The following SERPINA6 variants were observed in gnomAD, a reference collection of about 807,000 sequenced individuals.
SERPINA6 encodes serpin family A member 6.
Under a neutral mutation model 26.4 loss-of-function variants are expected in SERPINA6, and 19 were observed. The ratio of observed to expected loss-of-function variants is 0.72; its 90% CI spans 0.50 to 1.06. The LOEUF is 1.06. SERPINA6 is among the 50% of genes least tolerant of loss of function. SERPINA6 has a pLI of 0.00. For synonymous variants in SERPINA6, 196 were observed against 199.4 expected (o/e 0.98, Z 0.14); for missense variants, 473 against 504.0 (o/e 0.94, Z 0.59).
At chr14:94,321,328 A>G (rs1472978647) in intron 1 of SERPINA6, among the ~76,000 whole-genome samples, 3 of 152,152 alleles carry the variant, frequency 2.0e-5, no homozygotes, top group African/African-American at 7.2e-5. Flanking sequence ...GGGACTCCCC[A>G]TTGCCCACCA....
rs1895408510 is a variant in SERPINA6 at position 94,304,566 on chromosome 14, C to T, written c.1070G>A (p.Gly357Asp). Reference sequence around the variant, plus strand: ...CCCAGTGGAGCCAGCTGTGTCCACACCCTCCTCATTGAGTTGCAGCACAGC... The same window carrying T: ...CCCAGTGGAGCCAGCTGTGTCCACATCCTCCTCATTGAGTTGCAGCACAGC... ...HKAVLQLNEE[G>D]VDTAGSTGVT... Residue 357 changes from glycine to aspartate, a missense_variant, in exon 5 of 5, where the codon GGT becomes GAT. Transcript: ENST00000341584. The T allele has an allele frequency of 3.7e-6, 6 of 1,614,180 alleles. No individual in the cohort carries two copies. In the East Asian group the frequency reaches 1.3e-4, roughly 36 times the overall value.
Position 94,314,210 on chromosome 14 carries a change from T to G in SERPINA6, c.439A>C (p.Ile147Leu). 1 of 1,614,242 alleles carries G rather than the reference T, an allele frequency of 6.2e-7. No individual in the cohort carries two copies. The change falls in exon 2 of 5, where the codon ATC becomes CTC. Residue 147 changes from isoleucine to leucine, a missense_variant. Transcript: ENST00000341584. ...LELLESFSAD[I>L]KHYYESEVLA... ...ACCTCTGACTCATAGTAGTGCTTGA[T>G]GTCTGCTGAGAATGACTCCAGCAAC...
chr14:94,319,768 G>A (rs1384104463), intron 1 of SERPINA6, among the ~76,000 whole-genome samples: 1 of 152,202 alleles, frequency 6.6e-6, no homozygotes, highest in Admixed American at 6.5e-5. Context: ...AGGGACAGAA[G>A]TAAAATTGTG....
rs189236001 is a variant in SERPINA6 at position 94,312,732 on chromosome 14, A to G, written c.613+1304T>C. 1.1e-3 allele frequency among the ~76,000 whole-genome samples: 173 copies of G among 152,270 alleles called. 1 individual carries two copies. The highest frequency in any genetic ancestry group is 1.2e-3 in the Non-Finnish European group (85 of 68,024). On this transcript the variant is annotated intron_variant, in intron 2 of 4. Transcript: ENST00000341584. ...GAGCAGGAAAGACCCAGAGGCAGGT[A>G]GAGAAGAAGGACTCGTAGAGATGCT...
chr14:94,309,720 T>C lies in SERPINA6; in HGVS notation c.884+16A>G, dbSNP rs779216016. On this transcript the variant is annotated intron_variant, in intron 3 of 4. Transcript: ENST00000341584. Reference sequence around the variant, plus strand: ...ACGTGCATTGCAGAAATCAACATGATGGCTGGAGGACTTACCTGCTGGTCA... The same window carrying C: ...ACGTGCATTGCAGAAATCAACATGACGGCTGGAGGACTTACCTGCTGGTCA... 1.2e-6 allele frequency: 2 copies of C among 1,613,642 alleles called. No individual in the cohort carries two copies. The highest frequency in any genetic ancestry group is 2.2e-5 in the South Asian group (2 of 91,072).
chr14:94,315,514 T>G (rs1483973299), intron 1 of SERPINA6, among the ~76,000 whole-genome samples: 2 of 152,230 alleles, frequency 1.3e-5, no homozygotes, highest in African/African-American at 4.8e-5. Context: ...TTTTCTAGTC[T>G]CTAAATTATA....
At chr14:94,315,325 G>A (rs947128404) in intron 1 of SERPINA6, among the ~76,000 whole-genome samples, 3 of 152,336 alleles carry the variant, frequency 2.0e-5, no homozygotes, top group Non-Finnish European at 4.4e-5. Flanking sequence ...GCTTTTGTAT[G>A]CTATTGAAGT....
In SERPINA6 at chr14:94,314,271, G is replaced by A. The variant is rs3748320; in HGVS notation, c.378C>T (p.Thr126=). 324,240 of 1,614,006 alleles carry A rather than the reference G, an allele frequency of 0.2. 33,874 individuals are homozygous for A. The highest frequency in any genetic ancestry group is 0.22 in the Non-Finnish European group (257,458 of 1,179,958). The change falls in exon 2 of 5, where the codon ACC becomes ACT. Residue 126 remains threonine, a synonymous_variant. Transcript: ENST00000341584. ...CATCAAGAAACAAGGCATTGCCCAT[G>A]GTCATTTCTAAGCTGGTGTCTGACT... ...FAKSDTSLEM[T]MGNALFLDGS...
rs1895499188 is a variant in SERPINA6, at chr14:94,309,786, A to G, written c.834T>C (p.Ala278=). The G allele has an allele frequency of 6.2e-7, 1 of 1,614,070 alleles. No individual in the cohort carries two copies. The highest frequency in any genetic ancestry group is 1.1e-5 in the South Asian group (1 of 91,090). ...PDKGKMNTVI[A]ALSRDTINRW... ...TGTTAATCGTGTCCCGGCTCAGTGC[A>G]GCGATGACTGTGTTCATCTTCCCCT... The change falls in exon 3 of 5, where the codon GCT becomes GCC. Residue 278 remains alanine, a synonymous_variant. Coordinates refer to ENST00000341584, the MANE Select transcript of SERPINA6 (RefSeq NM_001756.4).
At chr14:94,304,683 C>T in intron 4 of SERPINA6, 80 bp from the exon 5 acceptor site, 1 of 1,259,446 alleles carries the variant, frequency 7.9e-7, no homozygotes, top group Non-Finnish European at 1.1e-6. Context: ...GGACCCTTCA[C>T]ATCCTTGGTT....
intron 1 of SERPINA6, among the ~76,000 whole-genome samples, chr14:94,321,272 A>C (rs533873023): frequency 6.6e-6 from 1 of 151,916 alleles, no homozygotes; most frequent in East Asian, 2.0e-4. Context: ...GCATCTTTTT[A>C]AATTCTCAAA....
chr14:94,309,648 G>C, intron 3 of SERPINA6, 88 bp downstream of exon 3: 1 of 1,484,574 alleles, frequency 6.7e-7, no homozygotes, highest in Non-Finnish European at 9.3e-7. Flanking sequence ...AGGGAAGGAA[G>C]GATGCCCCAG....
At chr14:94,317,314 C>T (rs1324427006) in intron 1 of SERPINA6, among the ~76,000 whole-genome samples, 2 of 152,156 alleles carry the variant, frequency 1.3e-5, no homozygotes, top group East Asian at 3.8e-4. Flanking sequence ...AAGTATTTGA[C>T]ATAATTCAAC....
At position 94,314,603 on chromosome 14, in the gene SERPINA6, C is replaced by T. The variant is rs748984466; in HGVS notation, c.46G>A (p.Gly16Ser). ...YTCLLWLPTSGLWTVQAMDPN... is the reference protein window; with the variant it reads ...YTCLLWLPTSSLWTVQAMDPN... ...TCCATGGCCTGGACGGTCCAGAGGC[C>T]GCTGGTGGGCAGCCAGAGAAGACAG... The change falls in exon 2 of 5, where the codon GGC becomes AGC. Residue 16 changes from glycine to serine, a missense_variant. Coordinates refer to ENST00000341584, the MANE Select transcript of SERPINA6 (RefSeq NM_001756.4). 23 of 1,614,022 alleles carry T rather than the reference C, an allele frequency of 1.4e-5. No homozygotes were observed. The highest frequency in any genetic ancestry group is 1.6e-4 in the Middle Eastern group (1 of 6,084).
intron 2 of SERPINA6, 123 bp downstream of exon 2, chr14:94,313,913 A>T: frequency 2.9e-6 from 3 of 1,032,398 alleles, no homozygotes; most frequent in Non-Finnish European, 4.6e-6. Flanking sequence ...GAAGATGGAG[A>T]TTCCCAGATG....
chr14:94,314,765 A>G (rs1384224554), intron 1 of SERPINA6, 98 bp from the exon 2 acceptor site: 2 of 1,148,346 alleles, frequency 1.7e-6, no homozygotes, highest in Non-Finnish European at 2.6e-6. Context: ...TTCAAGCCCC[A>G]GTTCCTTCCT....
At chr14:94,311,381 T>C (rs8006084) in intron 2 of SERPINA6, among the ~76,000 whole-genome samples, 1 of 152,352 alleles carries the variant, frequency 6.6e-6, no homozygotes, top group East Asian at 1.9e-4. Context: ...GTTTTTTTCG[T>C]CCTTAACATT....
intron 1 of SERPINA6, among the ~76,000 whole-genome samples, chr14:94,319,051 C>T (rs1346964746): frequency 6.6e-6 from 1 of 152,182 alleles, no homozygotes; most frequent in African/African-American, 2.4e-5. Flanking sequence ...CCAGTAAGCA[C>T]ATGAAAAGAT....
intron 1 of SERPINA6, among the ~76,000 whole-genome samples, chr14:94,319,749 C>G (rs543414591): frequency 6.6e-6 from 1 of 152,074 alleles, no homozygotes; most frequent in Non-Finnish European, 1.5e-5. Context: ...CTAGAGTAGC[C>G]GAATACCTAG....
Sources: allele counts gnomAD v4.1 joint callset (sites outside exome capture counted in the v4.1 genomes callset), GRCh38; gene constraint gnomAD v4.1.1; transcripts MANE v1.5; gene names NCBI Gene and HGNC (gene_info 2026-07-23, HGNC 2026-07-21).